The following TENM2 variants were observed in gnomAD, a reference collection of about 807,000 sequenced individuals.
The protein encoded by TENM2 is teneurin-2.
Under a neutral mutation model 245.2 loss-of-function variants are expected in TENM2, and 52 were observed. That is an observed-to-expected ratio of 0.21 (90% CI 0.17 to 0.27). The LOEUF is 0.27. Ranked by LOEUF, TENM2 falls within the 10% of genes least tolerant of loss-of-function variation. TENM2 has a pLI of 1.00. For missense variants in TENM2, 3,046 were observed against 3,666.8 expected, an observed-to-expected ratio of 0.83 and a Z score of 4.37; for synonymous variants, 1,363 against 1,438.9, an observed-to-expected ratio of 0.95 and a Z score of 1.19.
rs1175762676 is a variant in TENM2 at position 167,900,140 on chromosome 5, G to A, written c.712+23945G>A. On this transcript the variant is annotated intron_variant, in intron 3 of 28. Transcript: ENST00000518659. ...AAAAAAAAAAAAAAAAAAAGGGGGG[G>A]GGGGTTTTGGAAAGGAAAGGAATGA... Among the ~76,000 whole-genome samples, 11 of 122,796 alleles carry A rather than the reference G, an allele frequency of 9.0e-5. No individual in the cohort carries two copies. In the South Asian group the frequency reaches 2.2e-3, roughly 24 times the overall value. 80.6% of individuals were successfully genotyped at this position (122,796 alleles called of 152,430 possible). A position where few individuals can be genotyped will look rare whatever the true frequency, so the allele number is the denominator to read the frequency against.
chr5:167,680,311 TAAA>T (rs11479530), intron 2 of TENM2, among the ~76,000 whole-genome samples: 72 of 148,106 alleles, frequency 4.9e-4, no homozygotes, highest in East Asian at 4.5e-3. Flanking sequence ...TAGAATAAGT[TAAA>T]AAAAAAAAAA....
chr5:167,427,292 A>G (rs1310529004), intron 2 of TENM2, among the ~76,000 whole-genome samples: 2 of 152,106 alleles, frequency 1.3e-5, no homozygotes, highest in African/African-American at 2.4e-5. Context: ...ATCTCTACTA[A>G]TGATACAAAA....
At chr5:168,023,683 G>A (rs1786362299) in intron 5 of TENM2, among the ~76,000 whole-genome samples, 3 of 152,228 alleles carry the variant, frequency 2.0e-5, no homozygotes, top group African/African-American at 7.2e-5. Flanking sequence ...AGACACGTAG[G>A]TGGGTTTAAT....
In TENM2 at chr5:168,247,179, C is replaced by T. The variant is rs777725245; in HGVS notation, c.6240C>T (p.Ser2080=). ...TGGACAAGCAGATCTACAGGTTCTC[C>T]GAGGAAGGCATGGTCAATGCCAGGT... The change falls in exon 27 of 29, where the codon TCC becomes TCT. Residue 2080 remains serine (S), a synonymous_variant. Coordinates refer to ENST00000518659, the Ensembl canonical transcript of TENM2. This position sits in a 1 kb window ranked among gnomAD's most constrained non-coding sequence, Gnocchi z 7.8. 17 of 1,613,752 alleles carry T rather than the reference C, an allele frequency of 1.1e-5. No individual in the cohort carries two copies. The highest frequency in any genetic ancestry group is 2.2e-5 in the South Asian group (2 of 91,082).
At chr5:167,409,691 G>A (rs1054632722) in intron 2 of TENM2, among the ~76,000 whole-genome samples, 4 of 151,926 alleles carry the variant, frequency 2.6e-5, no homozygotes, top group Non-Finnish European at 4.4e-5. Flanking sequence ...TGCAAAGAAA[G>A]CATGTTTAAG....
chr5:168,091,843 A>C (rs1477143166), intron 8 of TENM2, among the ~76,000 whole-genome samples: 1 of 152,150 alleles, frequency 6.6e-6, no homozygotes, highest in Non-Finnish European at 1.5e-5. Context: ...TCCAGCATTA[A>C]ATCCAAGATT....
At chr5:167,012,998 T>C in the TENM2 span, among the ~76,000 whole-genome samples, 1 of 152,116 alleles carries the variant, frequency 6.6e-6, no homozygotes, top group African/African-American at 2.4e-5. Context: ...GGGAATATAG[T>C]AGTACAAGGT....
At chr5:167,939,913 A>G (rs1456451049) in intron 3 of TENM2, among the ~76,000 whole-genome samples, 1 of 152,194 alleles carries the variant, frequency 6.6e-6, no homozygotes, top group Admixed American at 6.5e-5. Flanking sequence ...TGGCAGAAAG[A>G]GCCACAGGAG....
intron 9 of TENM2, among the ~76,000 whole-genome samples, chr5:168,100,151 A>G (rs1444920644): frequency 6.6e-6 from 1 of 152,218 alleles, no homozygotes; most frequent in Admixed American, 6.5e-5. Flanking sequence ...TTTTCCAAAT[A>G]TACAATCACG....
chr5:167,802,818 G>T (rs375082201), intron 2 of TENM2, among the ~76,000 whole-genome samples: 101 of 152,244 alleles, frequency 6.6e-4, no homozygotes, highest in Middle Eastern at 6.8e-3. Context: ...GTGCATTGTA[G>T]TGCAACTAAT....
At chr5:167,639,177 A>G (rs1484377910) in intron 2 of TENM2, among the ~76,000 whole-genome samples, 1 of 152,214 alleles carries the variant, frequency 6.6e-6, no homozygotes, top group Non-Finnish European at 1.5e-5. Context: ...GCCCATGTTT[A>G]TAATACTTAG....
At chr5:167,200,440 C>T in the TENM2 span, among the ~76,000 whole-genome samples, 5 of 151,882 alleles carry the variant, frequency 3.3e-5, no homozygotes, top group Non-Finnish European at 7.4e-5. Context: ...CCCCCTCTCC[C>T]CTTCCATCTA....
chr5:168,260,223 C>T, intron 27 of TENM2, 60 bp from the exon 30 acceptor site: 1 of 1,592,498 alleles, frequency 6.3e-7, no homozygotes. Flanking sequence ...TCTTTAAGCT[C>T]TGCTGCTGCT....
intron 2 of TENM2, among the ~76,000 whole-genome samples, chr5:167,803,491 G>T (rs1349687315): frequency 6.6e-6 from 1 of 152,020 alleles, no homozygotes; most frequent in African/African-American, 2.4e-5. Flanking sequence ...CCGGGAGTGG[G>T]TCTGCTTTCT....
At chr5:167,679,126 A>T (rs1756532770) in intron 2 of TENM2, among the ~76,000 whole-genome samples, 1 of 152,104 alleles carries the variant, frequency 6.6e-6, no homozygotes, top group East Asian at 1.9e-4. Flanking sequence ...CTGGGTTTTG[A>T]TGAAGTACCC....
At chr5:167,246,821 T>A in the TENM2 span, among the ~76,000 whole-genome samples, 1 of 151,892 alleles carries the variant, frequency 6.6e-6, no homozygotes, top group Non-Finnish European at 1.5e-5. Flanking sequence ...TGGGTAGGAA[T>A]GGCCAATTGT....
At chr5:167,918,172 C>T (rs987808094) in intron 3 of TENM2, among the ~76,000 whole-genome samples, 10 of 152,034 alleles carry the variant, frequency 6.6e-5, no homozygotes, top group African/African-American at 1.5e-4. Context: ...GAGATCATGA[C>T]GGGTTTATTT....
the TENM2 span, among the ~76,000 whole-genome samples, chr5:167,078,544 A>G: frequency 2.0e-5 from 3 of 152,178 alleles, no homozygotes; most frequent in African/African-American, 7.2e-5. Flanking sequence ...AATAAGGAGT[A>G]TGGGTATAAT....
intron 3 of TENM2, among the ~76,000 whole-genome samples, chr5:167,952,142 C>G (rs866618109): frequency 1.9e-3 from 282 of 152,264 alleles, no homozygotes; most frequent in Admixed American, 3.1e-3. Flanking sequence ...TTTAAAGGTA[C>G]TATTCCCTGA....
Sources: gnomAD v4.1 joint callset for allele counts (sites outside exome capture counted in the v4.1 genomes callset) on GRCh38, gnomAD v4.1.1 for gene constraint, Gnocchi (gnomAD v3.1) non-coding constraint, MANE v1.5 for transcripts, NCBI Gene and HGNC (gene_info 2026-07-23, HGNC 2026-07-21) for gene names.